MIA2: variants seen among roughly 807,000 people sequenced by gnomAD.
The protein encoded by MIA2 is melanoma inhibitory activity protein 2.
In MIA2, 127 loss-of-function variants were observed where a neutral mutation model predicts 167.8. The observed-to-expected ratio is 0.76, with a 90% CI of 0.66 to 0.88. The LOEUF is 0.88. MIA2 is among the 40% of genes least tolerant of loss of function. The probability of loss-of-function intolerance (pLI) is 0.00; values close to 1 mark genes in which losing one functional copy is unlikely to be tolerated. For missense variants in MIA2, 1,690 were observed against 1,624.7 expected (o/e 1.04, Z -0.69); for synonymous variants, 552 against 541.9 (o/e 1.02, Z -0.26).
At chr14:39,297,346 C>T (rs557665902) in intron 13 of MIA2, among the ~76,000 whole-genome samples, 9 of 152,078 alleles carry the variant, frequency 5.9e-5, no homozygotes, top group Non-Finnish European at 1.0e-4. Flanking sequence ...CTTGCCTCGG[C>T]CTCCCAAAGT....
At position 39,303,541 on chromosome 14, in the gene MIA2, A is replaced by C; in HGVS notation, c.2787+17A>C. The C allele has an allele frequency of 6.3e-7, 1 of 1,589,082 alleles. No homozygotes were observed. The highest frequency in any genetic ancestry group is 2.3e-5 in the East Asian group (1 of 44,298). The stretch of plus-strand genomic sequence containing the variant: ...GCTGCTAAGGTTTGTGCTATTAGAT[A>C]CTTAAAAAGAATAAGGAGGAAGAAA... On this transcript the variant is annotated intron_variant, in intron 16 of 28. Coordinates refer to ENST00000640607, the MANE Select transcript of MIA2 (RefSeq NM_001329214.4).
intron 22 of MIA2, among the ~76,000 whole-genome samples, chr14:39,318,543 A>G (rs2065885916): frequency 6.6e-6 from 1 of 152,178 alleles, no homozygotes; most frequent in Non-Finnish European, 1.5e-5. Context: ...TTCTTGTCAC[A>G]ATGTACTGTT....
chr14:39,371,027 T>C (rs970466305), intron 23 of MIA2, among the ~76,000 whole-genome samples: 3 of 152,086 alleles, frequency 2.0e-5, no homozygotes, highest in African/African-American at 7.2e-5. Context: ...GGAATTTTAC[T>C]TTTTTTTCCT....
chr14:39,326,105 T>C (rs896079163), intron 24 of MIA2, among the ~76,000 whole-genome samples: 5 of 152,266 alleles, frequency 3.3e-5, no homozygotes, highest in Admixed American at 1.3e-4. Flanking sequence ...GTAAATATAC[T>C]AGATTTTCTT....
At chr14:39,322,031 C>T (rs1269639813) in intron 24 of MIA2, among the ~76,000 whole-genome samples, 1 of 151,984 alleles carries the variant, frequency 6.6e-6, no homozygotes, top group Non-Finnish European at 1.5e-5. Flanking sequence ...CCCGCCTCAG[C>T]CTCCCAAAGT....
intron 6 of MIA2, among the ~76,000 whole-genome samples, chr14:39,257,915 A>T (rs1252502483): frequency 6.6e-6 from 1 of 151,946 alleles, no homozygotes; most frequent in Non-Finnish European, 1.5e-5. Flanking sequence ...ATTGGCCCCC[A>T]CTCTCTTCTG....
chr14:39,339,232 CAAACAGTTCCTAACAGCCCGCGGAAA>C (rs1248143727), intron 25 of MIA2, among the ~76,000 whole-genome samples: 1 of 152,144 alleles, frequency 6.6e-6, no homozygotes, highest in East Asian at 1.9e-4. Context: ...TCCTGCTGTG[CAAACAGTTCCTAACAGCCCGCGGAAA>C]GGTACTGGCC....
rs368125701 is a variant in MIA2 at position 39,357,629 on chromosome 14, T to C, written c.2248+8652T>C. On this transcript the variant is annotated intron_variant, in intron 23 of 23. Coordinates refer to the MIA2 transcript ENST00000341502. ...GCTGGTTATTTTGCTCGTTAGTTGA[T>C]GCACTTTCTTCCTAGCCTCGATGGT... Among the ~76,000 whole-genome samples, 10 of 152,372 alleles carry C rather than the reference T, an allele frequency of 6.6e-5. No homozygotes were observed. The East Asian group carries it at 1.7e-3, about 26-fold the overall frequency.
chr14:39,343,865 G>C (rs1053658971), intron 25 of MIA2, among the ~76,000 whole-genome samples: 6 of 152,086 alleles, frequency 3.9e-5, no homozygotes, highest in African/African-American at 1.2e-4. Context: ...ATGTGCATTT[G>C]ACCAGAATAC....
intron 27 of MIA2, among the ~76,000 whole-genome samples, chr14:39,348,039 C>G (rs574092426): frequency 6.6e-6 from 1 of 152,050 alleles, no homozygotes; most frequent in East Asian, 1.9e-4. Context: ...TCTTGAAGTC[C>G]TGACCTCAGA....
chr14:39,257,167 A>G (rs2152646164), intron 6 of MIA2, among the ~76,000 whole-genome samples: 1 of 152,256 alleles, frequency 6.6e-6, no homozygotes, highest in Admixed American at 6.5e-5. Context: ...TTGATCTGTC[A>G]TAATATTGAC....
intron 6 of MIA2, among the ~76,000 whole-genome samples, chr14:39,272,975 A>T (rs1426365346): frequency 1.3e-5 from 2 of 152,214 alleles, no homozygotes; most frequent in East Asian, 1.9e-4. Flanking sequence ...TAGAAATTCA[A>T]CTGATTTTTC....
At position 39,276,964 on chromosome 14, in the gene MIA2, C is replaced by A; in HGVS notation, c.1918C>A (p.Pro640Thr). Reference sequence around the variant, plus strand: ...GGCAGCACTGCCTGAAGGTATGAGACCAGATTCTAATCTTTATGGTTTTCC... The same window carrying A: ...GGCAGCACTGCCTGAAGGTATGAGAACAGATTCTAATCTTTATGGTTTTCC... ...VVAALPEGMR[P>T]DSNLYGFPWE... The change falls in exon 7 of 29, where the codon CCA becomes ACA. Residue 640 changes from proline to threonine, a missense_variant. By Grantham distance (38) the Pro-to-Thr change is conservative. Transcript: ENST00000640607. 6.2e-7 allele frequency: 1 copy of A among 1,613,852 alleles called. No homozygotes were observed. The highest frequency in any genetic ancestry group is 2.2e-5 in the East Asian group (1 of 44,866).
At chr14:39,349,244 T>C (rs1351461285) in intron 28 of MIA2, among the ~76,000 whole-genome samples, 1 of 152,198 alleles carries the variant, frequency 6.6e-6, no homozygotes, top group African/African-American at 2.4e-5. Context: ...TTTGCAGGTC[T>C]TACGATAAAA....
chr14:39,383,578 C>G (rs1032379262), intron 23 of MIA2, among the ~76,000 whole-genome samples: 2 of 152,188 alleles, frequency 1.3e-5, no homozygotes, highest in African/African-American at 4.8e-5. Flanking sequence ...AAATCAAAAG[C>G]TAGAAATGAT....
At chr14:39,362,127 A>G (rs2074695566) in intron 23 of MIA2, among the ~76,000 whole-genome samples, 2 of 152,188 alleles carry the variant, frequency 1.3e-5, no homozygotes, top group Admixed American at 6.5e-5. Context: ...CATATTCATC[A>G]GAGACATTGG....
At chr14:39,246,025 T>C (rs1253952087) in intron 3 of MIA2, among the ~76,000 whole-genome samples, 1 of 152,170 alleles carries the variant, frequency 6.6e-6, no homozygotes, top group Admixed American at 6.5e-5. Context: ...GTTTGCAGAA[T>C]ACACTGAAAG....
At position 39,237,123 on chromosome 14, in the gene MIA2, T is replaced by A. The variant is rs746327607; in HGVS notation, c.249+68T>A. The A allele has an allele frequency of 3.2e-6, 5 of 1,560,496 alleles. No homozygotes were observed. The East Asian group carries it at 1.1e-4, about 36-fold the overall frequency. On this transcript the variant is annotated intron_variant, in intron 2 of 28. Coordinates refer to ENST00000640607, the MANE Select transcript of MIA2 (RefSeq NM_001329214.4). The stretch of plus-strand genomic sequence containing the variant: ...AACTTGCACAAAGATTCCTTCCTTT[T>A]CTTTTCTTTTTTTTGGAAACAGGGC...
At chr14:39,364,433 T>TG (rs1206190455) in intron 23 of MIA2, among the ~76,000 whole-genome samples, 1 of 145,778 alleles carries the variant, frequency 6.9e-6, no homozygotes, top group African/African-American at 2.5e-5. Flanking sequence ...TGTGGTTTGT[T>TG]GGTTTTTTTT....
Sources: gnomAD v4.1 joint callset for allele counts (sites outside exome capture counted in the v4.1 genomes callset) on GRCh38, gnomAD v4.1.1 for gene constraint, MANE v1.5 for transcripts, NCBI Gene and HGNC (gene_info 2026-07-23, HGNC 2026-07-21) for gene names.